Variants in UBE2J2 observed in about 807,000 individuals in gnomAD.
UBE2J2 encodes ubiquitin-conjugating enzyme E2 J2.
UBE2J2 carries 5 observed loss-of-function variants against 28.6 expected under a neutral mutation model. The ratio of observed to expected loss-of-function variants is 0.17; its 90% confidence interval spans 0.09 to 0.37. The LOEUF (loss-of-function observed/expected upper bound fraction) is 0.37, where lower values mean the gene tolerates loss of function less well. UBE2J2 is among the 10% of genes least tolerant of loss of function. The pLI, the probability that UBE2J2 is intolerant of heterozygous loss-of-function variation, is 1.00. For missense variants in UBE2J2, 226 were observed against 338.9 expected, an observed-to-expected ratio of 0.67 and a Z score of 2.62; for synonymous variants, 138 against 139.7, an observed-to-expected ratio of 0.99 and a Z score of 0.09.
intron 2 of UBE2J2, among the ~76,000 whole-genome samples, chr1:1,266,874 T>A (rs1439532067): frequency 1.3e-5 from 2 of 151,826 alleles, no homozygotes; most frequent in African/African-American, 2.4e-5. Context: ...ATATAAAACA[T>A]CCTTACATTT....
rs952267492 is a variant in UBE2J2, at chr1:1,268,772, G to A, written c.1-780C>T. Among the ~76,000 whole-genome samples the A allele has an allele frequency of 9.2e-5, 14 of 152,244 alleles. No individual in the cohort carries two copies. The highest frequency in any genetic ancestry group is 2.4e-4 in the African/African-American group (10 of 41,536). On this transcript the variant is annotated intron_variant, in intron 1 of 6. Coordinates refer to ENST00000349431, the MANE Select transcript of UBE2J2 (RefSeq NM_058167.3). The surrounding 1 kb of genome is among the most constrained non-coding windows in gnomAD (Gnocchi z 4.7). ...GAGTCACTGTGGCCTTGACCACCTC[G>A]GCTCAAGCAATCCTCCCACCTCAGC...
chr1:1,254,443 C>T lies in UBE2J2; in HGVS notation c.*760G>A, dbSNP rs1639066453. On this transcript the variant is annotated 3_prime_UTR_variant, in exon 7 of 7. Transcript: ENST00000349431. ...GGACATAAGGAATTCAGAGAAAAGG[C>T]TCTGCAGGTACCCAAGGCCCCCCAG... The T allele has an allele frequency of 6.6e-6, 1 of 152,250 alleles. No homozygotes were observed. The highest frequency in any genetic ancestry group is 2.4e-5 in the African/African-American group (1 of 41,448). 9.4% of individuals were successfully genotyped at this position (152,250 alleles called of 1,614,324 possible). A position where few individuals can be genotyped will look rare whatever the true frequency, so the allele number is the denominator to read the frequency against.
At chr1:1,260,088 A>T (rs1047906022) in intron 3 of UBE2J2, among the ~76,000 whole-genome samples, 1 of 152,100 alleles carries the variant, frequency 6.6e-6, no homozygotes, top group Non-Finnish European at 1.5e-5. Flanking sequence ...TCCTCTCTGC[A>T]CTCTGCTCAG....
chr1:1,262,267 A>G (rs1208780663), intron 3 of UBE2J2: 17 of 453,140 alleles, frequency 3.8e-5, no homozygotes, highest in Non-Finnish European at 6.6e-5. Flanking sequence ...GCCTTATCTC[A>G]CCACGGCCTG....
chr1:1,256,546 T>C (rs1269710360), intron 5 of UBE2J2, among the ~76,000 whole-genome samples: 1 of 152,166 alleles, frequency 6.6e-6, no homozygotes, highest in Non-Finnish European at 1.5e-5. Flanking sequence ...CGACAGTGCC[T>C]GGGACAAGGT....
Position 1,268,084 on chromosome 1 carries a change from G to C in UBE2J2, c.1-92C>G. Reference sequence around the variant, plus strand: ...AGCCCCACTCCCGCCTCTGCAGCCCGCCATTCATTCAGGGCCCGGTCACCC... The same window carrying C: ...AGCCCCACTCCCGCCTCTGCAGCCCCCCATTCATTCAGGGCCCGGTCACCC... On this transcript the variant is annotated intron_variant, in intron 1 of 6. Coordinates refer to ENST00000349431, the MANE Select transcript of UBE2J2 (RefSeq NM_058167.3). This position sits in a 1 kb window ranked among gnomAD's most constrained non-coding sequence, Gnocchi z 4.7. The C allele has an allele frequency of 6.5e-7, 1 of 1,536,366 alleles. No homozygotes were observed.
chr1:1,255,025 C>A lies in UBE2J2; in HGVS notation c.*178G>T. On this transcript the variant is annotated 3_prime_UTR_variant, in exon 7 of 7. Transcript: ENST00000349431. ...CCGTGGCCAGGACAGGGCTGAGGCT[C>A]CAGTCTCCTCCAAAGCCCAGTCACA... 1.5e-6 allele frequency: 1 copy of A among 667,248 alleles called. No homozygotes were observed. The highest frequency in any genetic ancestry group is 2.4e-6 in the Non-Finnish European group (1 of 408,466). The allele number at this position is 667,248 out of a possible 1,614,324, so 41.3% of individuals were successfully genotyped here.
intron 3 of UBE2J2, among the ~76,000 whole-genome samples, chr1:1,259,367 CGT>C (rs1184224340): frequency 2.0e-5 from 3 of 151,764 alleles, no homozygotes; most frequent in Admixed American, 1.3e-4. Flanking sequence ...CACGTGCATG[CGT>C]GTGTATGCGT....
chr1:1,258,659 C>T (rs564864658), intron 3 of UBE2J2, among the ~76,000 whole-genome samples: 27 of 152,364 alleles, frequency 1.8e-4, no homozygotes, highest in African/African-American at 6.5e-4. Context: ...GCCCAGACGC[C>T]CCCATCCAGG....
rs575864218 is a variant in UBE2J2, at chr1:1,268,448, G to A, written c.1-456C>T. Among the ~76,000 whole-genome samples the A allele has an allele frequency of 3.0e-4, 46 of 152,200 alleles. No individual in the cohort carries two copies. The highest frequency in any genetic ancestry group is 6.3e-4 in the African/African-American group (26 of 41,538). ...CACCGCCGGCCCCTTCACCGCACCC[G>A]GAAGCCCGCTGCCCAGCATTTACCA... On this transcript the variant is annotated intron_variant, in intron 1 of 6. Coordinates refer to ENST00000349431, the MANE Select transcript of UBE2J2 (RefSeq NM_058167.3). The surrounding 1 kb of genome is among the most constrained non-coding windows in gnomAD (Gnocchi z 4.7).
At chr1:1,266,665 C>CA (rs1639887095) in intron 2 of UBE2J2, among the ~76,000 whole-genome samples, 1 of 151,174 alleles carries the variant, frequency 6.6e-6, no homozygotes, top group Non-Finnish European at 1.5e-5. Context: ...ACTAAAAATA[C>CA]AAAAACAAAA....
At chr1:1,256,940 G>GC (rs1163796512) in intron 5 of UBE2J2, 52 bp downstream of exon 5, 7 of 1,094,596 alleles carry the variant, frequency 6.4e-6, no homozygotes, top group Non-Finnish European at 8.6e-6. Context: ...ACAGAGAACA[G>GC]CCCCCCAGAC....
rs375664850 is a variant in UBE2J2 at position 1,257,001 on chromosome 1, C to T, written c.405G>A (p.Ser135=). ...AGGCTCTAAAACTTACCGTGAAGTC[C>T]GACGTCTCTATACTGCCCAGGGTGG... ...KGPTLGSIET[S]DFTKRQLAVQ... The change falls in exon 5 of 7, where the codon TCG becomes TCA. Residue 135 remains serine (S), a synonymous_variant. Coordinates refer to ENST00000349431, the MANE Select transcript of UBE2J2 (RefSeq NM_058167.3). The T allele has an allele frequency of 1.0e-4, 156 of 1,564,584 alleles. No individual in the cohort carries two copies. The highest frequency in any genetic ancestry group is 1.2e-4 in the Non-Finnish European group (143 of 1,153,746).
chr1:1,259,187 G>A (rs1221231936), intron 3 of UBE2J2, among the ~76,000 whole-genome samples: 3 of 150,622 alleles, frequency 2.0e-5, no homozygotes, highest in South Asian at 2.1e-4. Context: ...CCATCAGGAC[G>A]CACTTGTGTG....
At chr1:1,269,030 A>G (rs1346554681) in intron 1 of UBE2J2, among the ~76,000 whole-genome samples, 1 of 152,184 alleles carries the variant, frequency 6.6e-6, no homozygotes, top group African/African-American at 2.4e-5. Flanking sequence ...TTCTGTTAGG[A>G]AAGTCACTCT....
In UBE2J2 at chr1:1,267,977, T is replaced by C; in HGVS notation, c.16A>G (p.Ser6Gly). Residue 6 changes from serine (S) to glycine (G), a missense_variant, in exon 2 of 7, where the codon AGT becomes GGT. Coordinates refer to ENST00000349431, the MANE Select transcript of UBE2J2 (RefSeq NM_058167.3). MSSTS[S>G]KRAPTTATQR... is the part of the protein sequence containing the mutation. ...GTTGCCGTGGTCGGAGCCCTCTTAC[T>C]GCTGGTGCTGCTCATCTGTTAAAAG... 3.1e-6 allele frequency: 5 copies of C among 1,614,022 alleles called. No individual in the cohort carries two copies. Among genetic ancestry groups the C allele is most frequent in the African/African-American group, 1.3e-5 (1 of 75,040 alleles).
Position 1,268,076 on chromosome 1 carries a change from T to C in UBE2J2, c.1-84A>G. On this transcript the variant is annotated intron_variant, in intron 1 of 6. Transcript: ENST00000349431. The surrounding 1 kb of genome is among the most constrained non-coding windows in gnomAD (Gnocchi z 4.7). ...CCTGGCGCAGCCCCACTCCCGCCTCTGCAGCCCGCCATTCATTCAGGGCCC... is the reference window on the plus strand; with the variant it reads ...CCTGGCGCAGCCCCACTCCCGCCTCCGCAGCCCGCCATTCATTCAGGGCCC... The C allele has an allele frequency of 6.4e-7, 1 of 1,562,214 alleles. No homozygotes were observed. Among genetic ancestry groups the C allele is most frequent in the Non-Finnish European group, 8.7e-7 (1 of 1,144,034 alleles).
Position 1,267,619 on chromosome 1 carries a change from C to A in UBE2J2, c.131+243G>T, listed in dbSNP as rs919687070. The A allele has an allele frequency of 1.9e-5, 20 of 1,046,232 alleles. No homozygotes were observed. In the Admixed American group the frequency reaches 3.3e-4, roughly 17 times the overall value. 64.8% of individuals were successfully genotyped at this position (1,046,232 alleles called of 1,614,324 possible). On this transcript the variant is annotated intron_variant, in intron 2 of 6. Coordinates refer to ENST00000349431, the MANE Select transcript of UBE2J2 (RefSeq NM_058167.3). ...CCCGCCCCCCTCAAGGGCCCCACAC[C>A]GGAGATTCTCTCCAGCCCCAGCCTG...
chr1:1,260,088 A>G (rs1047906022), intron 3 of UBE2J2, among the ~76,000 whole-genome samples: 2 of 152,100 alleles, frequency 1.3e-5, no homozygotes, highest in African/African-American at 4.8e-5. Flanking sequence ...TCCTCTCTGC[A>G]CTCTGCTCAG....
Sources: allele counts gnomAD v4.1 joint callset (sites outside exome capture counted in the v4.1 genomes callset), GRCh38; gene constraint gnomAD v4.1.1; non-coding constraint Gnocchi (gnomAD v3.1); transcripts MANE v1.5; gene names NCBI Gene and HGNC (gene_info 2026-07-23, HGNC 2026-07-21).